Variants in CNTN1 observed in about 807,000 individuals in gnomAD.
The protein encoded by CNTN1 is contactin-1.
Under a neutral mutation model 126.4 loss-of-function variants are expected in CNTN1, and 38 were observed. The ratio of observed to expected loss-of-function variants is 0.30; its 90% CI spans 0.23 to 0.39. The LOEUF (loss-of-function observed/expected upper bound fraction) is 0.39, where lower values mean the gene tolerates loss of function less well. Among genes scored for constraint, CNTN1 ranks in the 10% least tolerant of loss-of-function variants. The probability of loss-of-function intolerance (pLI) is 1.00; values close to 1 mark genes in which losing one functional copy is unlikely to be tolerated. For missense variants in CNTN1, 1,009 were observed against 1,248.4 expected (o/e 0.81, Z 2.89); for synonymous variants, 413 against 422.6 (o/e 0.98, Z 0.28).
At chr12:40,712,516 C>T (rs1208839072) in intron 1 of CNTN1, among the ~76,000 whole-genome samples, 1 of 151,986 alleles carries the variant, frequency 6.6e-6, no homozygotes, top group African/African-American at 2.4e-5. Context: ...ATGCTAGGAA[C>T]CTGCTGATCC....
chr12:41,057,688 A>C (rs1490057296), intron 23 of CNTN1, among the ~76,000 whole-genome samples: 13 of 152,080 alleles, frequency 8.5e-5, no homozygotes, highest in Admixed American at 8.5e-4. Flanking sequence ...TTGGAGTATA[A>C]GTTATATTTA....
rs1949063129 is a variant in CNTN1, at chr12:41,027,717, T to G, written c.2711-140T>G. On this transcript the variant is annotated intron_variant, in intron 21 of 23. Coordinates refer to ENST00000551295, the MANE Select transcript of CNTN1 (RefSeq NM_001843.4). ...CATGGATGTAAAGTGCTTAGCATAG[T>G]GCCTGGCATATAGTAAACACTTATT... 8 of 698,262 alleles carry G rather than the reference T, an allele frequency of 1.1e-5. No individual in the cohort carries two copies. The South Asian group carries it at 1.2e-4, about 11-fold the overall frequency. 43.3% of individuals were successfully genotyped at this position (698,262 alleles called of 1,614,324 possible).
At chr12:40,746,663 C>T (rs1452128119) in intron 1 of CNTN1, among the ~76,000 whole-genome samples, 3 of 151,978 alleles carry the variant, frequency 2.0e-5, no homozygotes, top group Non-Finnish European at 2.9e-5. Context: ...TGGGGTGGAC[C>T]GCCTACATGC....
intron 1 of CNTN1, among the ~76,000 whole-genome samples, chr12:40,727,485 A>G (rs1942388794): frequency 6.6e-6 from 1 of 152,116 alleles, no homozygotes; most frequent in Non-Finnish European, 1.5e-5. Flanking sequence ...GAAAATGTAC[A>G]TGCAAATTTT....
chr12:40,960,579 T>A (rs1448363619), intron 15 of CNTN1, among the ~76,000 whole-genome samples: 1 of 151,584 alleles, frequency 6.6e-6, no homozygotes, highest in African/African-American at 2.4e-5. Flanking sequence ...TCCAATAGAG[T>A]TTTAAGAAGT....
intron 1 of CNTN1, among the ~76,000 whole-genome samples, chr12:40,758,459 G>A (rs185513505): frequency 2.0e-5 from 3 of 151,994 alleles, no homozygotes; most frequent in African/African-American, 7.2e-5. Flanking sequence ...AATTGCAAAG[G>A]TTATTTAATT....
intron 5 of CNTN1, among the ~76,000 whole-genome samples, chr12:40,923,786 GA>G (rs935407293): frequency 6.6e-5 from 10 of 152,148 alleles, no homozygotes; most frequent in African/African-American, 2.4e-4. Context: ...AAGTAGATTT[GA>G]AAAGTCCTCT....
At chr12:41,047,521 A>T (rs1208678611) in intron 23 of CNTN1, among the ~76,000 whole-genome samples, 1 of 151,746 alleles carries the variant, frequency 6.6e-6, no homozygotes, top group Admixed American at 6.6e-5. Flanking sequence ...CTTCTACAGT[A>T]TTCTCTTTCT....
At position 40,849,967 on chromosome 12, in the gene CNTN1, T is replaced by C. The variant is rs777506745; in HGVS notation, c.-76-58390T>C. On this transcript the variant is annotated intron_variant, in intron 1 of 23. Coordinates refer to ENST00000551295, the MANE Select transcript of CNTN1 (RefSeq NM_001843.4). Reference sequence around the variant, plus strand: ...ATTCTGTGAAACATAGAATACTATTTTAGTGAGATCTATATATATATATGT... The same window carrying C: ...ATTCTGTGAAACATAGAATACTATTCTAGTGAGATCTATATATATATATGT... Among the ~76,000 whole-genome samples the C allele has an allele frequency of 5.9e-5, 9 of 151,992 alleles. 1 individual carries two copies. The highest frequency in any genetic ancestry group is 1.2e-4 in the Non-Finnish European group (8 of 67,924).
At chr12:40,737,137 T>C (rs1417853433) in intron 1 of CNTN1, among the ~76,000 whole-genome samples, 1 of 151,900 alleles carries the variant, frequency 6.6e-6, no homozygotes, top group African/African-American at 2.4e-5. Flanking sequence ...GTGGATTTTA[T>C]ATATAAATTT....
intron 14 of CNTN1, among the ~76,000 whole-genome samples, chr12:40,953,057 T>C (rs1287009195): frequency 6.6e-6 from 1 of 152,188 alleles, no homozygotes. Context: ...ATTCAATTTG[T>C]TAATACAGCG....
At chr12:40,993,004 A>T in intron 16 of CNTN1, 116 bp from the exon 17 acceptor site, 1 of 875,140 alleles carries the variant, frequency 1.1e-6, no homozygotes, top group Non-Finnish European at 1.8e-6. Context: ...TGTAGTTTTT[A>T]CTTCAACTCA....
At position 40,801,010 on chromosome 12, in the gene CNTN1, G is replaced by GTTTTTTTTTTT. The variant is rs35813803; in HGVS notation, c.-76-107343_-76-107342insTTTTTTTTTTT. On this transcript the variant is annotated intron_variant, in intron 1 of 23. Transcript: ENST00000551295. ...GTGGGTAACAGCAGGTCAAACTAGA[G>GTTTTTTTTTTT]TTTTGTTTTTTTTTTTTTTAAGATA... Among the ~76,000 whole-genome samples, 3 of 142,728 alleles carry GTTTTTTTTTTT rather than the reference G, an allele frequency of 2.1e-5. 1 individual carries two copies. The allele number at this position is 142,728 out of a possible 152,430, so 93.6% of individuals were successfully genotyped here. A position where few individuals can be genotyped will look rare whatever the true frequency, so the allele number is the denominator to read the frequency against.
chr12:40,839,991 C>T (rs369764161), intron 1 of CNTN1, among the ~76,000 whole-genome samples: 6 of 152,052 alleles, frequency 3.9e-5, no homozygotes, highest in Non-Finnish European at 7.4e-5. Context: ...CAAAGCCTCA[C>T]GTATCAATAA....
chr12:40,725,042 A>G (rs551020280), intron 1 of CNTN1, among the ~76,000 whole-genome samples: 11 of 152,318 alleles, frequency 7.2e-5, no homozygotes, highest in Admixed American at 3.3e-4. Context: ...ACTTACCTTG[A>G]CTAAATTTGC....
intron 1 of CNTN1, among the ~76,000 whole-genome samples, chr12:40,726,825 A>C (rs1942363672): frequency 6.6e-6 from 1 of 151,514 alleles, no homozygotes; most frequent in East Asian, 1.9e-4. Context: ...AAAATGAATT[A>C]AAATAAGTTA....
Position 41,065,157 on chromosome 12 carries a change from G to A in CNTN1, c.2981-4802G>A, listed in dbSNP as rs147474069. On this transcript the variant is annotated intron_variant, in intron 23 of 23. Coordinates refer to ENST00000551295, the MANE Select transcript of CNTN1 (RefSeq NM_001843.4). The stretch of plus-strand genomic sequence containing the variant: ...TGCAAGCTCTGCCTCCCGGGTTCAC[G>A]CCATTCTCCTGCCTCAGCCTCCCGA... Among the ~76,000 whole-genome samples the A allele has an allele frequency of 2.1e-3, 320 of 152,278 alleles. 2 individuals are homozygous for A. Among genetic ancestry groups the A allele is most frequent in the African/African-American group, 7.2e-3 (301 of 41,568 alleles).
intron 1 of CNTN1, among the ~76,000 whole-genome samples, chr12:40,765,501 A>G (rs1565703956): frequency 1.3e-5 from 2 of 152,208 alleles, no homozygotes; most frequent in Admixed American, 6.5e-5. Context: ...AGGCAAAGGA[A>G]CAAGCAAAGG....
intron 1 of CNTN1, among the ~76,000 whole-genome samples, chr12:40,860,142 A>G (rs1943066564): frequency 6.6e-6 from 1 of 152,158 alleles, no homozygotes; most frequent in Non-Finnish European, 1.5e-5. Context: ...AATTCAACAG[A>G]CAAAATTCAT....
Sources: gnomAD v4.1 joint callset for allele counts (sites outside exome capture counted in the v4.1 genomes callset) on GRCh38, gnomAD v4.1.1 for gene constraint, MANE v1.5 for transcripts, NCBI Gene and HGNC (gene_info 2026-07-23, HGNC 2026-07-21) for gene names.